RBM4B: variants seen among roughly 807,000 people sequenced by gnomAD.
The protein encoded by RBM4B is RNA binding motif protein 4B, also known as RNA-binding protein 4B.
Under a neutral mutation model 28.5 loss-of-function variants are expected in RBM4B, and 13 were observed. The observed-to-expected ratio is 0.46, with a 90% CI of 0.30 to 0.72. RBM4B has a LOEUF of 0.72. Ranked by LOEUF, RBM4B falls within the 30% of genes least tolerant of loss-of-function variation. RBM4B has a pLI of 0.09. For missense variants in RBM4B, 387 were observed against 477.6 expected (o/e 0.81, Z 1.77); for synonymous variants, 167 against 179.1 (o/e 0.93, Z 0.54).
At chr11:66,666,108 T>C in intron 3 of RBM4B, 1 of 802,652 alleles carries the variant, frequency 1.2e-6, no homozygotes, top group Non-Finnish European at 1.9e-6. Flanking sequence ...CACACCTACA[T>C]GTCACACTGT....
chr11:66,665,535 C>A lies in RBM4B; in HGVS notation c.*53G>T. ...AAGGGGACCGCGCGGAGCAAGTTCT[C>A]ATATATGACCGCAGCCCGAGGGTTC... On this transcript the variant is annotated 3_prime_UTR_variant, in exon 4 of 4. Coordinates refer to ENST00000310046, the MANE Select transcript of RBM4B (RefSeq NM_031492.4). The A allele has an allele frequency of 6.8e-7, 1 of 1,480,276 alleles. No homozygotes were observed. Among genetic ancestry groups the A allele is most frequent in the Non-Finnish European group, 9.1e-7 (1 of 1,095,898 alleles). 91.7% of individuals were successfully genotyped at this position (1,480,276 alleles called of 1,614,324 possible).
intron 2 of RBM4B, among the ~76,000 whole-genome samples, chr11:66,673,961 T>C (rs1246947533): frequency 2.0e-5 from 3 of 152,190 alleles, no homozygotes; most frequent in African/African-American, 7.2e-5. Context: ...AGGAGAGTGC[T>C]ATCTCCAGAG....
Position 66,668,842 on chromosome 11 carries a change from TAGC to T in RBM4B, c.859_861del (p.Ala287del). On this transcript the variant is annotated inframe_deletion, in exon 3 of 4. Coordinates refer to ENST00000310046, the MANE Select transcript of RBM4B (RefSeq NM_031492.4). ...GAAGTGGTGGCTGCAGCAGCAGCCA[TAGC>T]AGCTGAAGTGGCAGCAGCGCCAGAG... 1.2e-6 allele frequency: 2 copies of T among 1,614,076 alleles called. No homozygotes were observed. The highest frequency in any genetic ancestry group is 1.7e-6 in the Non-Finnish European group (2 of 1,179,916).
At chr11:66,670,337 A>G (rs1428823592) in intron 2 of RBM4B, among the ~76,000 whole-genome samples, 1 of 150,646 alleles carries the variant, frequency 6.6e-6, no homozygotes, top group Non-Finnish European at 1.5e-5. Flanking sequence ...CAGTGTCTTG[A>G]CATGTAATGA....
chr11:66,665,820 T>G, intron 3 of RBM4B: 1 of 1,486,236 alleles, frequency 6.7e-7, no homozygotes, highest in East Asian at 2.5e-5. Flanking sequence ...GAAGAATGTG[T>G]TGGTGATAAA....
At position 66,666,098 on chromosome 11, in the gene RBM4B, C is replaced by T. The variant is rs879175530; in HGVS notation, c.*10-520G>A. 19 of 861,824 alleles carry T rather than the reference C, an allele frequency of 2.2e-5. No individual in the cohort carries two copies. In the South Asian group the frequency reaches 3.4e-4, roughly 16 times the overall value. 53.4% of individuals were successfully genotyped at this position (861,824 alleles called of 1,614,324 possible). On this transcript the variant is annotated intron_variant, in intron 3 of 3. Transcript: ENST00000310046. Reference sequence around the variant, plus strand: ...CAGCCAGTCATTCACCCAATTCCAACACACCTACATGTCACACTGTCACAG... The same window carrying T: ...CAGCCAGTCATTCACCCAATTCCAATACACCTACATGTCACACTGTCACAG...
At chr11:66,670,489 C>G (rs1448706147) in intron 2 of RBM4B, among the ~76,000 whole-genome samples, 1 of 152,058 alleles carries the variant, frequency 6.6e-6, no homozygotes, top group Admixed American at 6.6e-5. Flanking sequence ...AGGAAATGAC[C>G]AGCACTGAGG....
At position 66,668,693 on chromosome 11, in the gene RBM4B, AT is replaced by A. The variant is rs1320164693; in HGVS notation, c.1010del (p.Asn337IlefsTer28). On this transcript the variant is annotated frameshift_variant, in exon 3 of 4. Coordinates refer to ENST00000310046, the MANE Select transcript of RBM4B (RefSeq NM_031492.4). LOFTEE classifies it high-confidence loss of function. ...ELSQASAATR[N>X]SLYDMARYER... ...CATACCGGGCCATGTCATACAGAGA[AT>A]TCCGTGTAGCTGCGGAAGCCTGAGA... The A allele has an allele frequency of 6.2e-7, 1 of 1,614,194 alleles. No homozygotes were observed.
At position 66,668,676 on chromosome 11, in the gene RBM4B, G is replaced by A. The variant is rs1432818806; in HGVS notation, c.1028C>T (p.Ala343Val). ...AATRNSLYDM[A>V]RYEREQYVDR... ...CACATACTGCTCCCGTTCATACCGGGCCATGTCATACAGAGAATTCCGTGT... is the reference window on the plus strand; with the variant it reads ...CACATACTGCTCCCGTTCATACCGGACCATGTCATACAGAGAATTCCGTGT... Residue 343 changes from alanine to valine, a missense_variant, in exon 3 of 4, where the codon GCC (alanine) becomes GTC (valine). Transcript: ENST00000310046. 1.9e-6 allele frequency: 3 copies of A among 1,613,966 alleles called. No individual in the cohort carries two copies. In the African/African-American group the frequency reaches 4.0e-5, roughly 22 times the overall value.
At chr11:66,676,277 C>A in intron 2 of RBM4B, 1 of 316,104 alleles carries the variant, frequency 3.2e-6, no homozygotes, top group Non-Finnish European at 5.8e-6. Flanking sequence ...AAATCTTAAG[C>A]ACTTAAACCC....
intron 3 of RBM4B, chr11:66,667,372 C>T (rs1411188289): frequency 6.6e-6 from 1 of 152,200 alleles, no homozygotes; most frequent in Non-Finnish European, 1.5e-5. Context: ...ATTTTCTACA[C>T]ATCTGAAAAT....
chr11:66,674,082 G>A (rs758415350), intron 2 of RBM4B, among the ~76,000 whole-genome samples: 9 of 151,426 alleles, frequency 5.9e-5, no homozygotes, highest in Non-Finnish European at 8.8e-5. Flanking sequence ...TGGATCCACT[G>A]CATTATTCAG....
chr11:66,676,492 G>A, intron 2 of RBM4B, 176 bp downstream of exon 2: 1 of 738,782 alleles, frequency 1.4e-6, no homozygotes, highest in Non-Finnish European at 2.2e-6. Flanking sequence ...AACCTGAAAA[G>A]GGGAAGTGTT....
At chr11:66,667,062 G>A (rs962957575) in intron 3 of RBM4B, 1 of 152,094 alleles carries the variant, frequency 6.6e-6, no homozygotes, top group Non-Finnish European at 1.5e-5. Flanking sequence ...ACTGTACACA[G>A]CTGCTTTGTT....
At chr11:66,674,531 C>CT (rs1939581674) in intron 2 of RBM4B, among the ~76,000 whole-genome samples, 1 of 146,652 alleles carries the variant, frequency 6.8e-6, no homozygotes, top group Non-Finnish European at 1.5e-5. Flanking sequence ...CCGGCCTGTC[C>CT]TTTTCCTTTT....
chr11:66,667,196 A>C (rs1387195683), intron 3 of RBM4B: 1 of 152,240 alleles, frequency 6.6e-6, no homozygotes, highest in Non-Finnish European at 1.5e-5. Context: ...AAGGAAAACC[A>C]TGAGAATATA....
rs780002507 is a variant in RBM4B, at chr11:66,668,915, G to C, written c.789C>G (p.Leu263=). The change falls in exon 3 of 4, where the codon CTC becomes CTG. Residue 263 remains leucine, a synonymous_variant. Coordinates refer to ENST00000310046, the MANE Select transcript of RBM4B (RefSeq NM_031492.4). ...CATAGGGATCAACAGAAGTAGAGTT[G>C]AGGTGGCTGGTCACAGTTGTGCTTT... ...QVQSTTVTSH[L]NSTSVDPYDR... The C allele has an allele frequency of 4.3e-6, 7 of 1,614,090 alleles. No homozygotes were observed. The highest frequency in any genetic ancestry group is 5.1e-6 in the Non-Finnish European group (6 of 1,180,044).
intron 3 of RBM4B, chr11:66,666,189 T>G: frequency 1.2e-6 from 1 of 853,680 alleles, no homozygotes; most frequent in South Asian, 2.4e-5. Context: ...TCAAAAGAAA[T>G]CATTCCTAGA....
intron 3 of RBM4B, chr11:66,665,941 G>A (rs760474140): frequency 1.3e-6 from 2 of 1,534,968 alleles, no homozygotes; most frequent in South Asian, 1.2e-5. Context: ...TAATTTTGGA[G>A]TCCAGGAAAA....
Sources: gnomAD v4.1 joint callset for allele counts (sites outside exome capture counted in the v4.1 genomes callset) on GRCh38, gnomAD v4.1.1 for gene constraint, MANE v1.5 for transcripts, NCBI Gene and HGNC (gene_info 2026-07-23, HGNC 2026-07-21) for gene names.